TMPRSS4: variants seen among roughly 807,000 people sequenced by gnomAD.
The protein encoded by TMPRSS4 is transmembrane serine protease 4, also known as transmembrane protease serine 4.
A neutral mutation model predicts 56.4 loss-of-function variants in TMPRSS4; 45 were observed. That is an observed-to-expected ratio of 0.80 (90% CI 0.63 to 1.02). The LOEUF is 1.02. Ranked by LOEUF, TMPRSS4 falls within the 50% of genes least tolerant of loss-of-function variation. TMPRSS4 has a pLI of 0.00. For synonymous variants in TMPRSS4, 205 were observed against 211.0 expected (o/e 0.97, Z 0.25); for missense variants, 546 against 556.7 (o/e 0.98, Z 0.19).
chr11:118,113,157 T>C (rs1461016083), intron 8 of TMPRSS4, 112 bp from the exon 9 acceptor site: 3 of 1,084,792 alleles, frequency 2.8e-6, no homozygotes, highest in African/African-American at 1.6e-5. Context: ...TCATCTTTCC[T>C]CCCAAGGCAG....
intron 7 of TMPRSS4, among the ~76,000 whole-genome samples, chr11:118,110,933 A>G (rs146329541): frequency 3.0e-4 from 45 of 152,382 alleles, no homozygotes; most frequent in Admixed American, 2.0e-3. Flanking sequence ...TTGGCTAGAC[A>G]GAGACTTTAT....
chr11:118,118,961 A>G lies in TMPRSS4; in HGVS notation c.*1048A>G. The stretch of plus-strand genomic sequence containing the variant: ...AGCATGAATAAGTCCCTGCACTCAA[A>G]ATGGTCAAAGAATTAAACCCCATGG... On this transcript the variant is annotated 3_prime_UTR_variant, in exon 13 of 13. Transcript: ENST00000437212. 1 of 985,418 alleles carries G rather than the reference A, an allele frequency of 1.0e-6. No individual in the cohort carries two copies. Among genetic ancestry groups the G allele is most frequent in the Non-Finnish European group, 1.2e-6 (1 of 829,926 alleles). 61.0% of individuals were successfully genotyped at this position (985,418 alleles called of 1,614,324 possible). A position where few individuals can be genotyped will look rare whatever the true frequency, so the allele number is the denominator to read the frequency against.
chr11:118,094,776 G>A (rs1351488234), intron 1 of TMPRSS4, 40 bp from the exon 2 acceptor site: 1 of 1,596,476 alleles, frequency 6.3e-7, no homozygotes, highest in African/African-American at 1.3e-5. Context: ...CCCAGCCTGA[G>A]AGGCTCCCTG....
intron 9 of TMPRSS4, among the ~76,000 whole-genome samples, chr11:118,113,790 A>T (rs974959536): frequency 1.8e-4 from 27 of 152,250 alleles, no homozygotes; most frequent in African/African-American, 6.0e-4. Context: ...CCTGCTCAGT[A>T]TCCCTGCCAA....
At chr11:118,109,970 C>T (rs1481027990) in intron 7 of TMPRSS4, among the ~76,000 whole-genome samples, 1 of 152,200 alleles carries the variant, frequency 6.6e-6, no homozygotes, top group Admixed American at 6.5e-5. Flanking sequence ...GTGACAGGTC[C>T]TCCCTTGAGG....
chr11:118,088,549 C>A (rs1945742091), intron 1 of TMPRSS4, among the ~76,000 whole-genome samples: 1 of 152,270 alleles, frequency 6.6e-6, no homozygotes, highest in Non-Finnish European at 1.5e-5. Flanking sequence ...TGCCCTTCCA[C>A]TGTACTGCAC....
At chr11:118,080,498 G>A (rs1356752087) in intron 1 of TMPRSS4, among the ~76,000 whole-genome samples, 1 of 152,166 alleles carries the variant, frequency 6.6e-6, no homozygotes, top group Non-Finnish European at 1.5e-5. Flanking sequence ...CAAGCTCTGT[G>A]CCTGGGTGCT....
chr11:118,111,958 G>T, intron 8 of TMPRSS4, 58 bp downstream of exon 8: 2 of 1,569,936 alleles, frequency 1.3e-6, no homozygotes, highest in Non-Finnish European at 1.7e-6. Flanking sequence ...GGACCAGAGA[G>T]CTTGGGGTCC....
intron 9 of TMPRSS4, among the ~76,000 whole-genome samples, chr11:118,113,759 C>A (rs190993893): frequency 2.4e-4 from 36 of 152,326 alleles, no homozygotes; most frequent in Admixed American, 5.2e-4. Flanking sequence ...TAATTCCCCA[C>A]CACTGACCAA....
In TMPRSS4 at chr11:118,084,704, C is replaced by T. The variant is rs375843302; in HGVS notation, c.3+7399C>T. On this transcript the variant is annotated intron_variant, in intron 1 of 12. Coordinates refer to ENST00000437212, the MANE Select transcript of TMPRSS4 (RefSeq NM_019894.4). ...AGAGCACTAATTTTCACTTACTAAA[C>T]TCCTCTATGTTTCAAGCACCAAGCC... Among the ~76,000 whole-genome samples, 11 of 152,318 alleles carry T rather than the reference C, an allele frequency of 7.2e-5. No homozygotes were observed. The East Asian group carries it at 1.9e-3, about 27-fold the overall frequency.
chr11:118,117,735 A>T lies in TMPRSS4; in HGVS notation c.1303-167A>T, dbSNP rs17121755. On this transcript the variant is annotated intron_variant, in intron 12 of 12. Transcript: ENST00000437212. ...CTATCAGATCCTTTCTAGAGAGAAG[A>T]TTCTGATAAGGAAGAGAGTGGAAAG... 2,486 of 985,442 alleles carry T rather than the reference A, an allele frequency of 2.5e-3. 42 individuals carry two copies. In the African/African-American group the frequency reaches 0.04, roughly 16 times the overall value. 61.0% of individuals were successfully genotyped at this position (985,442 alleles called of 1,614,324 possible).
rs202015260 is a variant in TMPRSS4 at position 118,093,751 on chromosome 11, G to A, written c.4-1065G>A. Among the ~76,000 whole-genome samples, 35 of 151,944 alleles carry A rather than the reference G, an allele frequency of 2.3e-4. No individual in the cohort carries two copies. The East Asian group carries it at 4.6e-3, about 20-fold the overall frequency. ...TATAAACACCTATGTAACCAATGTTGAAAACAAGATCCAGAAGTTTTCCTA... is the reference window on the plus strand; with the variant it reads ...TATAAACACCTATGTAACCAATGTTAAAAACAAGATCCAGAAGTTTTCCTA... On this transcript the variant is annotated intron_variant, in intron 1 of 12. Coordinates refer to ENST00000437212, the MANE Select transcript of TMPRSS4 (RefSeq NM_019894.4).
At chr11:118,082,973 G>A (rs7937420) in intron 1 of TMPRSS4, among the ~76,000 whole-genome samples, 38,185 of 152,030 alleles carry the variant, frequency 0.25, 5,081 homozygotes, top group Non-Finnish European at 0.31. Flanking sequence ...ATCCTCGTAT[G>A]GGACACAGAG....
At chr11:118,098,852 C>A in intron 2 of TMPRSS4, 133 bp from the exon 3 acceptor site, 2 of 627,316 alleles carry the variant, frequency 3.2e-6, no homozygotes, top group Non-Finnish European at 2.8e-6. Context: ...AGGAATAACC[C>A]CCCAGCATTA....
intron 1 of TMPRSS4, among the ~76,000 whole-genome samples, chr11:118,084,372 G>C (rs1017059773): frequency 6.6e-6 from 1 of 152,236 alleles, no homozygotes; most frequent in Non-Finnish European, 1.5e-5. Context: ...GGGCAGGAAA[G>C]CAGTAAAGGA....
chr11:118,087,464 T>A (rs10892212), intron 1 of TMPRSS4: 8,174 of 152,246 alleles, frequency 0.054, 610 homozygotes, highest in East Asian at 0.32. Context: ...TTTCATCCCA[T>A]CTCTGAAGGG....
chr11:118,095,464 G>C (rs1946233603), intron 2 of TMPRSS4: 1 of 153,048 alleles, frequency 6.5e-6, no homozygotes, highest in Non-Finnish European at 1.5e-5. Context: ...CTGCTTGACG[G>C]GCTATGTATT....
chr11:118,108,870 G>A lies in TMPRSS4; in HGVS notation c.557G>A (p.Gly186Asp), dbSNP rs1450060153. The change falls in exon 7 of 13, where the codon GGC becomes GAC. Residue 186 changes from glycine to aspartate, a missense_variant. Coordinates refer to ENST00000437212, the MANE Select transcript of TMPRSS4 (RefSeq NM_019894.4). ...CTGTCTTCCAGGCCCTGTCTCTCAGGCTCCCTGGTCTCCCTGCACTGTCTT... is the reference window on the plus strand; with the variant it reads ...CTGTCTTCCAGGCCCTGTCTCTCAGACTCCCTGGTCTCCCTGCACTGTCTT... Reference protein sequence around the residue: ...MRNSSGPCLSGSLVSLHCLAC... With the variant: ...MRNSSGPCLSDSLVSLHCLAC... 6.2e-7 allele frequency: 1 copy of A among 1,613,988 alleles called. No individual in the cohort carries two copies. The highest frequency in any genetic ancestry group is 8.5e-7 in the Non-Finnish European group (1 of 1,179,942).
At chr11:118,103,328 T>C in intron 4 of TMPRSS4, 75 bp downstream of exon 4, 4 of 1,534,016 alleles carry the variant, frequency 2.6e-6, no homozygotes, top group Non-Finnish European at 3.5e-6. Context: ...GCCCACTGCA[T>C]AGTATCTGCC....
Sources: allele counts gnomAD v4.1 joint callset (sites outside exome capture counted in the v4.1 genomes callset), GRCh38; gene constraint gnomAD v4.1.1; transcripts MANE v1.5; gene names NCBI Gene and HGNC (gene_info 2026-07-23, HGNC 2026-07-21).